INTS3: variants seen among roughly 807,000 people sequenced by gnomAD.
The protein encoded by INTS3 is integrator complex subunit 3, also known as SOSS complex subunit A.
A neutral mutation model predicts 146.3 loss-of-function variants in INTS3; 34 were observed. That is an observed-to-expected ratio of 0.23 (90% confidence interval 0.18 to 0.31). The LOEUF (loss-of-function observed/expected upper bound fraction) is 0.31, where lower values mean the gene tolerates loss of function less well. Among genes scored for constraint, INTS3 ranks in the 10% least tolerant of loss-of-function variants. The pLI is 1.00. For missense variants in INTS3, 757 were observed against 1,304.2 expected (o/e 0.58, Z 6.46); for synonymous variants, 475 against 494.9 (o/e 0.96, Z 0.53).
chr1:153,770,724 G>C lies in INTS3; in HGVS notation c.2543G>C (p.Arg848Pro). ...CTGTCCTGCCTACTGCTTCAACTCC[G>C]AAGAGAAAAGTGAGTTCCACTTCTG... ...EALSCLLLQLRREKPSEEMVK... is the reference protein window; with the variant it reads ...EALSCLLLQLPREKPSEEMVK... Residue 848 changes from arginine (R) to proline (P), a missense_variant, in exon 25 of 30, where the codon CGA (arginine) becomes CCA (proline). Physicochemically the swap from Arg to Pro is moderately radical, Grantham distance 103. This residue lies in a region of INTS3 where 116 missense variants were observed against 226.5 expected (regional missense o/e 0.51). Coordinates refer to ENST00000318967, the MANE Select transcript of INTS3 (RefSeq NM_023015.5). 6.2e-7 allele frequency: 1 copy of C among 1,613,302 alleles called. No homozygotes were observed. Among genetic ancestry groups the C allele is most frequent in the Non-Finnish European group, 8.5e-7 (1 of 1,179,340 alleles).
Position 153,757,877 on chromosome 1 carries a change from C to A in INTS3, c.1149+114C>A. 3 of 764,702 alleles carry A rather than the reference C, an allele frequency of 3.9e-6. No individual in the cohort carries two copies. Among genetic ancestry groups the A allele is most frequent in the South Asian group, 1.7e-5 (1 of 57,184 alleles). The allele number at this position is 764,702 out of a possible 1,614,324, so 47.4% of individuals were successfully genotyped here. On this transcript the variant is annotated intron_variant, in intron 10 of 29. Coordinates refer to ENST00000318967, the MANE Select transcript of INTS3 (RefSeq NM_023015.5). The surrounding 1 kb of genome is among the most constrained non-coding windows in gnomAD (Gnocchi z 4.0). The stretch of plus-strand genomic sequence containing the variant: ...GACCCCTAAGGGCCCTTCTTTCACT[C>A]TGGTCTTCCAGAGTGTCTCAGCCTT...
intron 20 of INTS3, among the ~76,000 whole-genome samples, chr1:153,766,162 C>T (rs1177098888): frequency 7.1e-6 from 1 of 140,818 alleles, no homozygotes; most frequent in Non-Finnish European, 1.5e-5. Context: ...CGCTGTGTCG[C>T]CCAGGCTGGA....
In INTS3 at chr1:153,757,643, G is replaced by A. The variant is rs1331139430; in HGVS notation, c.1029G>A (p.Gln343=). The A allele has an allele frequency of 6.2e-7, 1 of 1,614,224 alleles. No homozygotes were observed. The highest frequency in any genetic ancestry group is 8.5e-7 in the Non-Finnish European group (1 of 1,180,034). The change falls in exon 10 of 30, where the codon CAG becomes CAA. Residue 343 remains glutamine, a synonymous_variant. Transcript: ENST00000318967. This position sits in a 1 kb window ranked among gnomAD's most constrained non-coding sequence, Gnocchi z 4.0. ...QRQYLSTPDS[Q]SLRCDLIRYI... ...AGTACCTGTCAACTCCAGATAGTCA[G>A]TCTCTGCGCTGTGACCTCATTCGCT...
Position 153,751,122 on chromosome 1 carries a change from C to T in INTS3, c.612C>T (p.Leu204=), listed in dbSNP as rs752621973. 1.9e-6 allele frequency: 3 copies of T among 1,614,088 alleles called. No homozygotes were observed. Among genetic ancestry groups the T allele is most frequent in the Non-Finnish European group, 2.5e-6 (3 of 1,180,040 alleles). The change falls in exon 7 of 30, where the codon CTC becomes CTT. Residue 204 remains leucine, a synonymous_variant. Transcript: ENST00000318967. ...AGTGGGTCCTGAAGAGCAGCATCCTCATTGCCATGGCTGTTTACACGTACC... is the reference window on the plus strand; with the variant it reads ...AGTGGGTCCTGAAGAGCAGCATCCTTATTGCCATGGCTGTTTACACGTACC... ...QREWVLKSSI[L]IAMAVYTYLR... is the part of the protein sequence containing the mutation.
At position 153,729,009 on chromosome 1, in the gene INTS3, TG is replaced by T. The variant is rs1670966565; in HGVS notation, c.150+231del. On this transcript the variant is annotated intron_variant, in intron 1 of 29. Transcript: ENST00000318967. ...CAGCAGCCACTAGTATGAAAATGGG[TG>T]GGGGGTGTTGGTGAAGGAAGGGATA... Among the ~76,000 whole-genome samples the T allele has an allele frequency of 1.3e-5, 2 of 151,946 alleles. 1 individual carries two copies. Among genetic ancestry groups the T allele is most frequent in the Non-Finnish European group, 2.9e-5 (2 of 67,960 alleles).
intron 7 of INTS3, 81 bp from the exon 8 acceptor site, chr1:153,752,197 GT>G: frequency 7.4e-7 from 1 of 1,351,836 alleles, no homozygotes. Context: ...AGAACATGTT[GT>G]TCCTTTGTCC....
rs758859747 is a variant in INTS3, at chr1:153,757,560, C to G, written c.958-12C>G. The G allele has an allele frequency of 1.2e-6, 2 of 1,611,222 alleles. No individual in the cohort carries two copies. Among genetic ancestry groups the G allele is most frequent in the Admixed American group, 1.7e-5 (1 of 59,888 alleles). ...TCTTCTAAGGTCTTTTTCTTGCTTC[C>G]CCTTTCCCCAGGTGCGATTTGGTCA... On this transcript the variant is annotated splice_polypyrimidine_tract_variant and intron_variant, in intron 9 of 29. Coordinates refer to ENST00000318967, the MANE Select transcript of INTS3 (RefSeq NM_023015.5). This position sits in a 1 kb window ranked among gnomAD's most constrained non-coding sequence, Gnocchi z 4.0.
At chr1:153,762,976 C>A in intron 15 of INTS3, 129 bp downstream of exon 15, 1 of 1,236,388 alleles carries the variant, frequency 8.1e-7, no homozygotes, top group Non-Finnish European at 1.1e-6. Context: ...CACAGGGTAT[C>A]TGGATGAGAC....
chr1:153,763,945 C>A, intron 17 of INTS3, 59 bp downstream of exon 17: 2 of 1,521,956 alleles, frequency 1.3e-6, no homozygotes, highest in Non-Finnish European at 1.8e-6. Context: ...GCTTACACGT[C>A]TCCCAGGGAA....
chr1:153,732,966 G>A (rs1462550907), intron 1 of INTS3, among the ~76,000 whole-genome samples: 15 of 151,426 alleles, frequency 9.9e-5, no homozygotes, highest in Non-Finnish European at 2.1e-4. Context: ...ACCATGCCCG[G>A]CTAATTTTTT....
chr1:153,772,200 C>A lies in INTS3; in HGVS notation c.2721-140C>A. 1.9e-6 allele frequency: 2 copies of A among 1,049,464 alleles called. No homozygotes were observed. Among genetic ancestry groups the A allele is most frequent in the Non-Finnish European group, 2.8e-6 (2 of 719,768 alleles). 65.0% of individuals were successfully genotyped at this position (1,049,464 alleles called of 1,614,324 possible). ...CTGTTCTAGGCACACCTTTCTCACC[C>A]AACCCCAGCCCTCCCAGGCTGCCTA... On this transcript the variant is annotated intron_variant, in intron 26 of 29. Coordinates refer to ENST00000318967, the MANE Select transcript of INTS3 (RefSeq NM_023015.5). The surrounding 1 kb of genome is among the most constrained non-coding windows in gnomAD (Gnocchi z 4.6).
chr1:153,728,718 A>T lies in INTS3; in HGVS notation c.84A>T (p.Ala28=), dbSNP rs749832059. Residue 28 remains alanine (A), a synonymous_variant, in exon 1 of 30, where the codon GCA becomes GCT. Coordinates refer to ENST00000318967, the MANE Select transcript of INTS3 (RefSeq NM_023015.5). ...GAGGTGGAGGAGGAGGAGCGGGAGCAGGAGCCCCAGGAGGGGGGAGGCTGC... is the reference window on the plus strand; with the variant it reads ...GAGGTGGAGGAGGAGGAGCGGGAGCTGGAGCCCCAGGAGGGGGGAGGCTGC... ...AAGGGGGGAG[A]GAPGGGRLLL... The T allele has an allele frequency of 5.0e-6, 8 of 1,609,266 alleles. No individual in the cohort carries two copies. The highest frequency in any genetic ancestry group is 5.9e-6 in the Non-Finnish European group (7 of 1,177,500).
intron 23 of INTS3, among the ~76,000 whole-genome samples, 153 bp downstream of exon 23, chr1:153,769,997 T>C (rs1170581414): frequency 3.4e-5 from 5 of 146,502 alleles, no homozygotes; most frequent in African/African-American, 1.3e-4. Flanking sequence ...GGCAGTATCT[T>C]TCTGGATCTG....
At chr1:153,763,983 T>C in intron 17 of INTS3, 97 bp downstream of exon 17, 1 of 1,316,608 alleles carries the variant, frequency 7.6e-7, no homozygotes, top group Non-Finnish European at 1.1e-6. Flanking sequence ...CTCCCCTAGA[T>C]GAGTCCCTCT....
intron 5 of INTS3, chr1:153,748,195 G>A (rs1671824982): frequency 6.2e-6 from 1 of 162,104 alleles, no homozygotes; most frequent in Non-Finnish European, 1.4e-5. Context: ...GCATTGCTGT[G>A]TGTTAATTCT....
Position 153,765,693 on chromosome 1 carries a change from C to T in INTS3, c.2090+630C>T, listed in dbSNP as rs183498681. 2.2e-3 allele frequency among the ~76,000 whole-genome samples: 341 copies of T among 152,140 alleles called. 1 individual carries two copies. Among genetic ancestry groups the T allele is most frequent in the Non-Finnish European group, 4.1e-3 (278 of 68,008 alleles). ...CAAGCAATTCTCCCACCTCAGCCTC[C>T]CAAGTAGCTAGGACTACAGGCACCC... is the stretch of plus-strand genomic sequence containing the variant. On this transcript the variant is annotated intron_variant, in intron 20 of 29. Coordinates refer to ENST00000318967, the MANE Select transcript of INTS3 (RefSeq NM_023015.5).
Position 153,740,616 on chromosome 1 carries a change from T to C in INTS3, c.151-35T>C, listed in dbSNP as rs780385626. ...CAGAAGTACTTCCTAAGTGGTGTTA[T>C]GACACACTGTTCATTTTTTCTCACC... is the stretch of plus-strand genomic sequence containing the variant. On this transcript the variant is annotated intron_variant, in intron 1 of 29. Coordinates refer to ENST00000318967, the MANE Select transcript of INTS3 (RefSeq NM_023015.5). 11 of 1,520,540 alleles carry C rather than the reference T, an allele frequency of 7.2e-6. No individual in the cohort carries two copies. The African/African-American group carries it at 9.6e-5, about 13-fold the overall frequency. 94.2% of individuals were successfully genotyped at this position (1,520,540 alleles called of 1,614,324 possible).
rs185763386 is a variant in INTS3, at chr1:153,762,358, T to C, written c.1517-370T>C. Among the ~76,000 whole-genome samples, 57 of 152,266 alleles carry C rather than the reference T, an allele frequency of 3.7e-4. No homozygotes were observed. The East Asian group carries it at 9.7e-3, about 26-fold the overall frequency. The stretch of plus-strand genomic sequence containing the variant: ...ACTCAGAAGGCTGAGACATGAGAAT[T>C]ACGTGAACCTGGGACGGGGAGGTTG... On this transcript the variant is annotated intron_variant, in intron 14 of 29. Coordinates refer to ENST00000318967, the MANE Select transcript of INTS3 (RefSeq NM_023015.5).
chr1:153,737,500 C>T lies in INTS3; in HGVS notation c.151-3151C>T, dbSNP rs555523631. ...ATTTTCATCCTTGTTTAACTGGAGA[C>T]CCTGGTACTTTTTTTTTGGACAGAG... On this transcript the variant is annotated intron_variant, in intron 1 of 29. Transcript: ENST00000318967. Among the ~76,000 whole-genome samples, 6 of 152,164 alleles carry T rather than the reference C, an allele frequency of 3.9e-5. No individual in the cohort carries two copies. In the South Asian group the frequency reaches 1.0e-3, roughly 26 times the overall value.
Sources: allele counts gnomAD v4.1 joint callset (sites outside exome capture counted in the v4.1 genomes callset), GRCh38; gene constraint gnomAD v4.1.1; regional missense constraint gnomAD v4.1.1; non-coding constraint Gnocchi (gnomAD v3.1); transcripts MANE v1.5; gene names NCBI Gene and HGNC (gene_info 2026-07-23, HGNC 2026-07-21).